The following ANKS1B variants were observed in gnomAD, a reference collection of about 807,000 sequenced individuals.
ANKS1B encodes ankyrin repeat and sterile alpha motif domain containing 1B, also known as ankyrin repeat and sterile alpha motif domain-containing protein 1B.
A neutral mutation model predicts 148.3 loss-of-function variants in ANKS1B; 36 were observed. The observed-to-expected ratio is 0.24, with a 90% CI of 0.19 to 0.32. ANKS1B has a LOEUF of 0.32. Among genes scored for constraint, ANKS1B ranks in the 10% least tolerant of loss-of-function variants. The pLI is 1.00. For missense variants in ANKS1B, 1,157 were observed against 1,542.6 expected, an observed-to-expected ratio of 0.75 and a Z score of 4.19; for synonymous variants, 542 against 560.8, an observed-to-expected ratio of 0.97 and a Z score of 0.47.
intron 15 of ANKS1B, among the ~76,000 whole-genome samples, chr12:99,152,372 A>G (rs942697024): frequency 6.6e-6 from 1 of 152,128 alleles, no homozygotes; most frequent in Non-Finnish European, 1.5e-5. Flanking sequence ...ATATTTTCTT[A>G]TTTTCTAGAA....
intron 4 of ANKS1B, among the ~76,000 whole-genome samples, chr12:99,802,619 A>T (rs1212215511): frequency 6.6e-6 from 1 of 152,174 alleles, no homozygotes; most frequent in East Asian, 1.9e-4. Context: ...GCTGCATTTA[A>T]AAACATATGT....
chr12:99,359,801 G>A (rs2092333484), intron 12 of ANKS1B, among the ~76,000 whole-genome samples: 1 of 152,058 alleles, frequency 6.6e-6, no homozygotes, highest in Non-Finnish European at 1.5e-5. Flanking sequence ...CAGGATACTA[G>A]TTAATTTAGT....
intron 1 of ANKS1B, among the ~76,000 whole-genome samples, chr12:99,906,017 G>A (rs1439746598): frequency 6.6e-6 from 1 of 152,140 alleles, no homozygotes; most frequent in Non-Finnish European, 1.5e-5. Context: ...GAGTTATTTG[G>A]TTTCAGGGAT....
Position 99,642,893 on chromosome 12 carries a change from T to C in ANKS1B, c.1272+12174A>G, listed in dbSNP as rs73387920. The stretch of plus-strand genomic sequence containing the variant: ...CCTGTATTCCTTGGCTCATAGCCTC[T>C]TCCTCCATCTTCAAAGCTAGCAATG... On this transcript the variant is annotated intron_variant, in intron 9 of 26. Transcript: ENST00000683438. Among the ~76,000 whole-genome samples, 1,152 of 152,322 alleles carry C rather than the reference T, an allele frequency of 7.6e-3. 20 individuals carry two copies. Among genetic ancestry groups the C allele is most frequent in the African/African-American group, 0.026 (1,091 of 41,576 alleles).
intron 8 of ANKS1B, among the ~76,000 whole-genome samples, chr12:99,741,956 A>G (rs2060156162): frequency 6.6e-6 from 1 of 152,162 alleles, no homozygotes; most frequent in Admixed American, 6.6e-5. Flanking sequence ...TTGCAGGGAT[A>G]TGGATGGACC....
chr12:99,899,313 C>T (rs992113407), intron 1 of ANKS1B, among the ~76,000 whole-genome samples: 2 of 152,194 alleles, frequency 1.3e-5, no homozygotes, highest in East Asian at 3.9e-4. Flanking sequence ...CTAAACTACA[C>T]TTCCTGTAGT....
intron 19 of ANKS1B, among the ~76,000 whole-genome samples, chr12:98,818,549 T>C (rs944083073): frequency 3.9e-5 from 6 of 152,178 alleles, no homozygotes. Context: ...TTTATAGCAA[T>C]ATGGGCTGTT....
chr12:99,238,191 G>C (rs1175828805), intron 14 of ANKS1B, among the ~76,000 whole-genome samples: 1 of 152,226 alleles, frequency 6.6e-6, no homozygotes, highest in Non-Finnish European at 1.5e-5. Flanking sequence ...GTACACTCCT[G>C]ATCAAATACT....
In ANKS1B at chr12:98,745,935, A is replaced by G. The variant is rs1297552187; in HGVS notation, c.3748-86T>C. The G allele has an allele frequency of 4.9e-6, 7 of 1,439,952 alleles. No homozygotes were observed. The Admixed American group carries it at 1.7e-4, about 35-fold the overall frequency. The allele number at this position is 1,439,952 out of a possible 1,614,324, so 89.2% of individuals were successfully genotyped here. On this transcript the variant is annotated intron_variant, in intron 26 of 26. Coordinates refer to ENST00000683438, the MANE Select transcript of ANKS1B (RefSeq NM_001352186.2). ...CGGACGCCGCTGGCGAACCCACGCG[A>G]GGCCCCTCGCCCCAGGCGCGGGGCG...
intron 8 of ANKS1B, among the ~76,000 whole-genome samples, chr12:99,759,315 C>A (rs1462739344): frequency 1.3e-5 from 2 of 151,930 alleles, no homozygotes; most frequent in Non-Finnish European, 2.9e-5. Context: ...AAGCAGGCCA[C>A]ACTGTATCTT....
At chr12:99,112,659 T>C (rs1566154913) in intron 15 of ANKS1B, among the ~76,000 whole-genome samples, 1 of 152,122 alleles carries the variant, frequency 6.6e-6, no homozygotes, top group Admixed American at 6.6e-5. Context: ...CATAAATGCT[T>C]GTTGCTTGTT....
At chr12:99,251,287 T>A (rs2074553814) in intron 12 of ANKS1B, among the ~76,000 whole-genome samples, 2 of 152,206 alleles carry the variant, frequency 1.3e-5, no homozygotes, top group Admixed American at 1.3e-4. Flanking sequence ...AGGGTTTCAT[T>A]TTTATAAAGA....
At chr12:99,817,233 T>A (rs1002872432) in intron 2 of ANKS1B, among the ~76,000 whole-genome samples, 10 of 151,360 alleles carry the variant, frequency 6.6e-5, no homozygotes, top group Admixed American at 2.0e-4. Flanking sequence ...TCCCCTTTTT[T>A]TTAGCTCCCA....
At chr12:99,785,531 G>A (rs1370457298) in intron 4 of ANKS1B, among the ~76,000 whole-genome samples, 1 of 151,876 alleles carries the variant, frequency 6.6e-6, no homozygotes, top group East Asian at 1.9e-4. Flanking sequence ...TCTCCCAGGT[G>A]CAAGCGATTC....
intron 15 of ANKS1B, among the ~76,000 whole-genome samples, chr12:99,146,399 G>A (rs915881802): frequency 1.3e-5 from 2 of 152,112 alleles, no homozygotes; most frequent in African/African-American, 4.8e-5. Flanking sequence ...ATACTTCCTG[G>A]GGGAAGTGAT....
At chr12:99,680,433 C>CA (rs199819732) in intron 8 of ANKS1B, among the ~76,000 whole-genome samples, 26,094 of 143,388 alleles carry the variant, frequency 0.18, 3,224 homozygotes, top group East Asian at 0.47. Flanking sequence ...AAGACTCTGT[C>CA]AAAAAAAAAA....
At chr12:99,761,372 G>A (rs1460520871) in intron 8 of ANKS1B, among the ~76,000 whole-genome samples, 4 of 151,930 alleles carry the variant, frequency 2.6e-5, no homozygotes, top group Non-Finnish European at 2.9e-5. Flanking sequence ...TTCTCCCTGG[G>A]ATACAGGGTT....
rs200614242 is a variant in ANKS1B, at chr12:99,065,643, C to T, written c.2626-12334G>A. On this transcript the variant is annotated intron_variant, in intron 16 of 26. Coordinates refer to ENST00000683438, the MANE Select transcript of ANKS1B (RefSeq NM_001352186.2). Reference sequence around the variant, plus strand: ...CCATCCATCCATCCATCCATCCCATCCATCCATCCATCCATCCATCCATCC... The same window carrying T: ...CCATCCATCCATCCATCCATCCCATTCATCCATCCATCCATCCATCCATCC... Among the ~76,000 whole-genome samples, 52 of 26,132 alleles carry T rather than the reference C, an allele frequency of 2.0e-3. No individual in the cohort carries two copies. The East Asian group carries it at 0.03, about 15-fold the overall frequency. The allele number at this position is 26,132 out of a possible 152,430, so 17.1% of individuals were successfully genotyped here. A position where few individuals can be genotyped will look rare whatever the true frequency, so the allele number is the denominator to read the frequency against.
intron 14 of ANKS1B, among the ~76,000 whole-genome samples, chr12:99,205,061 C>A (rs2153902600): frequency 6.6e-6 from 1 of 152,114 alleles, no homozygotes; most frequent in East Asian, 1.9e-4. Context: ...GTACCAGGCC[C>A]CCCCCAAAAA....
Sources: allele counts gnomAD v4.1 joint callset (sites outside exome capture counted in the v4.1 genomes callset), GRCh38; gene constraint gnomAD v4.1.1; transcripts MANE v1.5; gene names NCBI Gene and HGNC (gene_info 2026-07-23, HGNC 2026-07-21).